The following SRI variants were observed in gnomAD, a reference collection of about 807,000 sequenced individuals.
The protein encoded by SRI is sorcin, also known as 22 kDa protein.
In SRI, 30 loss-of-function variants were observed where a neutral mutation model predicts 33.3. The ratio of observed to expected loss-of-function variants is 0.90; its 90% CI spans 0.67 to 1.22. The LOEUF is 1.22. Ranked by LOEUF, SRI falls within the 50% of genes most tolerant of loss-of-function variation. SRI has a pLI of 0.00. For missense variants in SRI, 243 were observed against 250.8 expected (o/e 0.97, Z 0.21); for synonymous variants, 75 against 89.9 (o/e 0.83, Z 0.94).
In SRI at chr7:88,206,154, G is replaced by A. The variant is rs1063964; in HGVS notation, c.*324C>T. ...TGTAGTCTGATTAACAGTTTTTAGT[G>A]TCTCACAATGAAAAATAAATAATGT... is the stretch of plus-strand genomic sequence containing the variant. On this transcript the variant is annotated 3_prime_UTR_variant, in exon 8 of 8. Coordinates refer to ENST00000265729, the MANE Select transcript of SRI (RefSeq NM_003130.4). 106,007 of 359,442 alleles carry A rather than the reference G, an allele frequency of 0.29. 18,099 individuals carry two copies. The highest frequency in any genetic ancestry group is 0.47 in the African/African-American group (22,588 of 48,326). The allele number at this position is 359,442 out of a possible 1,614,324, so 22.3% of individuals were successfully genotyped here.
chr7:88,221,786 C>A (rs540303589), upstream of SRI, among the ~76,000 whole-genome samples: 1 of 151,362 alleles, frequency 6.6e-6, no homozygotes, highest in Admixed American at 6.6e-5. Context: ...GCGCTGCACC[C>A]ACTAACTCGT....
At chr7:88,217,240 G>T in intron 2 of SRI, 49 bp from the exon 3 acceptor site, 1 of 1,482,092 alleles carries the variant, frequency 6.7e-7, no homozygotes, top group Non-Finnish European at 9.4e-7. Flanking sequence ...GTACTTTCAA[G>T]TTGTTTACCT....
rs749508220 is a variant in SRI at position 88,205,635 on chromosome 7, G to A, written c.*843C>T. On this transcript the variant is annotated 3_prime_UTR_variant, in exon 8 of 8. Transcript: ENST00000265729. Reference sequence around the variant, plus strand: ...ATCAATGTTTTGGTACATACTTTCCGATACTCTGCTATGTGTATTTTTTAA... The same window carrying A: ...ATCAATGTTTTGGTACATACTTTCCAATACTCTGCTATGTGTATTTTTTAA... The A allele has an allele frequency of 2.6e-5, 4 of 152,130 alleles. No individual in the cohort carries two copies. Among genetic ancestry groups the A allele is most frequent in the Non-Finnish European group, 2.9e-5 (2 of 68,032 alleles). 9.4% of individuals were successfully genotyped at this position (152,130 alleles called of 1,614,324 possible).
At chr7:88,208,447 G>T in intron 7 of SRI, 60 bp downstream of exon 7, 2 of 1,601,828 alleles carry the variant, frequency 1.2e-6, no homozygotes, top group Non-Finnish European at 8.5e-7. Flanking sequence ...AATTTCAAAG[G>T]GATACCCATC....
intron 5 of SRI, 50 bp from the exon 6 acceptor site, chr7:88,209,502 T>A: frequency 7.2e-7 from 1 of 1,398,592 alleles, no homozygotes; most frequent in Non-Finnish European, 1.0e-6. Context: ...CAGAAGCTCA[T>A]TAAAAAATAA....
At chr7:88,220,341 C>T (rs1193957766), upstream of SRI, among the ~76,000 whole-genome samples, 1 of 143,800 alleles carries the variant, frequency 7.0e-6, no homozygotes, top group Non-Finnish European at 1.5e-5. Context: ...AACACCAATA[C>T]ACCACCCCAG....
At chr7:88,210,989 ACATT>A in intron 3 of SRI, 64 bp from the exon 4 acceptor site, 1 of 1,221,648 alleles carries the variant, frequency 8.2e-7, no homozygotes, top group East Asian at 2.3e-5. Flanking sequence ...TACACTGGAT[ACATT>A]CAAATTAATT....
In SRI at chr7:88,209,978, C is replaced by A. The variant is rs1312146644; in HGVS notation, c.397+5G>T. On this transcript the variant is annotated splice_donor_5th_base_variant and intron_variant, in intron 5 of 7. Coordinates refer to ENST00000265729, the MANE Select transcript of SRI (RefSeq NM_003130.4). ...GAATGGAGAGTTCTAGTAAGCCATA[C>A]CTACCCATTGTTGTCAGGGCCTTCT... 1.2e-6 allele frequency: 2 copies of A among 1,614,132 alleles called. No individual in the cohort carries two copies. The highest frequency in any genetic ancestry group is 4.5e-5 in the East Asian group (2 of 44,886).
In SRI at chr7:88,206,036, T is replaced by C. The variant is rs1405078991; in HGVS notation, c.*442A>G. On this transcript the variant is annotated 3_prime_UTR_variant, in exon 8 of 8. Transcript: ENST00000265729. The stretch of plus-strand genomic sequence containing the variant: ...CCTGACGTGGATTACTGGATTACCT[T>C]TTTTGTTGTTTTATTTCACCCAAGT... 5.7e-6 allele frequency: 1 copy of C among 175,470 alleles called. No individual in the cohort carries two copies. Among genetic ancestry groups the C allele is most frequent in the Non-Finnish European group, 1.2e-5 (1 of 81,208 alleles). 10.9% of individuals were successfully genotyped at this position (175,470 alleles called of 1,614,324 possible). A position where few individuals can be genotyped will look rare whatever the true frequency, so the allele number is the denominator to read the frequency against.
chr7:88,214,802 CT>C (rs1851667572), intron 3 of SRI: 1 of 1,052,066 alleles, frequency 9.5e-7, no homozygotes, highest in Non-Finnish European at 1.2e-6. Context: ...TACCTTTACT[CT>C]TTTTCTTCTC....
At chr7:88,215,591 C>G (rs556350605) in intron 3 of SRI, among the ~76,000 whole-genome samples, 26 of 152,270 alleles carry the variant, frequency 1.7e-4, no homozygotes, top group Admixed American at 6.5e-4. Flanking sequence ...GATTAAATAA[C>G]AGGAACTTGA....
chr7:88,210,814 A>G, intron 4 of SRI, 68 bp downstream of exon 4: 1 of 1,443,126 alleles, frequency 6.9e-7, no homozygotes, highest in South Asian at 1.2e-5. Flanking sequence ...CTAGATATTA[A>G]TTCTAAGATG....
Position 88,218,773 on chromosome 7 carries a change from G to C in SRI, c.135+86C>G. ...GAAGCAAAGGGACTCAGTACCACAG[G>C]AAGTTCGCTTTTCTGTGTCACTATA... On this transcript the variant is annotated intron_variant, in intron 2 of 7. Coordinates refer to ENST00000265729, the MANE Select transcript of SRI (RefSeq NM_003130.4). The C allele has an allele frequency of 5.4e-6, 7 of 1,290,774 alleles. No individual in the cohort carries two copies. In the South Asian group the frequency reaches 8.4e-5, roughly 15 times the overall value. The allele number at this position is 1,290,774 out of a possible 1,614,324, so 80.0% of individuals were successfully genotyped here.
At chr7:88,211,686 A>T (rs1421032169) in intron 3 of SRI, among the ~76,000 whole-genome samples, 1 of 152,198 alleles carries the variant, frequency 6.6e-6, no homozygotes, top group Non-Finnish European at 1.5e-5. Flanking sequence ...ACTGAGCAGT[A>T]ACCTCCTACC....
chr7:88,209,286 T>C (rs1851509336), intron 6 of SRI, 53 bp downstream of exon 6: 1 of 1,420,428 alleles, frequency 7.0e-7, no homozygotes, highest in Non-Finnish European at 9.9e-7. Context: ...AGATGAAATG[T>C]AATAAAAACT....
intron 1 of SRI, among the ~76,000 whole-genome samples, 158 bp downstream of exon 1, chr7:88,219,818 G>T (rs1413799295): frequency 6.6e-6 from 1 of 152,180 alleles, no homozygotes; most frequent in Non-Finnish European, 1.5e-5. Context: ...AACCCCAGGG[G>T]CCTAGGGCGA....
chr7:88,217,100 A>G, intron 3 of SRI, 22 bp downstream of exon 3: 1 of 1,610,948 alleles, frequency 6.2e-7, no homozygotes, highest in African/African-American at 1.3e-5. Flanking sequence ...TATTTAGACA[A>G]ACTTTGGGAC....
intron 3 of SRI, among the ~76,000 whole-genome samples, chr7:88,211,493 C>A (rs1228131885): frequency 1.3e-5 from 2 of 152,084 alleles, no homozygotes; most frequent in East Asian, 3.9e-4. Context: ...TTCATACTTT[C>A]TTGCTTTGAA....
intron 2 of SRI, among the ~76,000 whole-genome samples, chr7:88,217,825 G>C (rs1851770735): frequency 6.6e-6 from 1 of 152,226 alleles, no homozygotes; most frequent in East Asian, 1.9e-4. Context: ...AGCAGGTGGA[G>C]TCACTTACAT....
Sources: gnomAD v4.1 joint callset for allele counts (sites outside exome capture counted in the v4.1 genomes callset) on GRCh38, gnomAD v4.1.1 for gene constraint, MANE v1.5 for transcripts, NCBI Gene and HGNC (gene_info 2026-07-23, HGNC 2026-07-21) for gene names.